DHRS12: variants seen among roughly 807,000 people sequenced by gnomAD.
DHRS12 encodes dehydrogenase/reductase 12.
In DHRS12, 29 loss-of-function variants were observed where a neutral mutation model predicts 32.1. The ratio of observed to expected loss-of-function variants is 0.90; its 90% CI spans 0.67 to 1.23. The LOEUF is 1.23. DHRS12 is among the 50% of genes most tolerant of loss of function. DHRS12 has a pLI of 0.00. For missense variants in DHRS12, 330 were observed against 337.2 expected (o/e 0.98, Z 0.17); for synonymous variants, 150 against 135.9 (o/e 1.10, Z -0.72).
the DHRS12 span, among the ~76,000 whole-genome samples, chr13:51,755,954 T>A: frequency 6.6e-6 from 1 of 152,066 alleles, no homozygotes; most frequent in East Asian, 1.9e-4. Context: ...TTCAATCAGG[T>A]TTCCTGCATG....
chr13:51,801,755 T>C (rs1283803967), intron 1 of DHRS12, among the ~76,000 whole-genome samples: 1 of 151,934 alleles, frequency 6.6e-6, no homozygotes, highest in Non-Finnish European at 1.5e-5. Context: ...ACTTCCCAAA[T>C]ACAATAGAGC....
rs1448937654 is a variant in DHRS12, at chr13:51,798,050, C to T, written c.126+1484G>A. The T allele has an allele frequency of 5.0e-6, 4 of 801,598 alleles. No homozygotes were observed. The African/African-American group carries it at 5.2e-5, about 10-fold the overall frequency. The allele number at this position is 801,598 out of a possible 1,614,324, so 49.7% of individuals were successfully genotyped here. ...GATGGGTGGTTCCCAGAGTTAAGAGCAGCAAGGGCGATGGTGAGGGAGGTG... is the reference window on the plus strand; with the variant it reads ...GATGGGTGGTTCCCAGAGTTAAGAGTAGCAAGGGCGATGGTGAGGGAGGTG... On this transcript the variant is annotated intron_variant, in intron 2 of 8. Transcript: ENST00000444610.
intron 7 of DHRS12, chr13:51,771,433 T>C: frequency 2.5e-6 from 4 of 1,614,192 alleles, no homozygotes; most frequent in Non-Finnish European, 3.4e-6. Flanking sequence ...TCCAAAAACC[T>C]GGGGAGTGGT....
chr13:51,786,398 C>T (rs1222871927), intron 4 of DHRS12, among the ~76,000 whole-genome samples: 7 of 152,200 alleles, frequency 4.6e-5, no homozygotes, highest in African/African-American at 1.7e-4. Flanking sequence ...GTCTTCACTC[C>T]TCATGGACTC....
At chr13:51,800,506 C>T (rs939302135) in intron 1 of DHRS12, among the ~76,000 whole-genome samples, 1 of 152,234 alleles carries the variant, frequency 6.6e-6, no homozygotes, top group Non-Finnish European at 1.5e-5. Flanking sequence ...CACGCACAGG[C>T]AGGCTGGGGT....
chr13:51,803,851 C>A, intron 1 of DHRS12: 1 of 403,486 alleles, frequency 2.5e-6, no homozygotes, highest in Non-Finnish European at 4.1e-6. Context: ...CGGTCGCGGG[C>A]ATTGAGCGGC....
intron 4 of DHRS12, among the ~76,000 whole-genome samples, chr13:51,777,870 T>C (rs780204388): frequency 1.3e-5 from 2 of 152,254 alleles, no homozygotes; most frequent in Non-Finnish European, 2.9e-5. Context: ...TGTATTTTTT[T>C]AAACAATGAA....
At chr13:51,777,214 C>G (rs1353499692) in intron 4 of DHRS12, 93 bp from the exon 5 acceptor site, 3 of 1,453,218 alleles carry the variant, frequency 2.1e-6, no homozygotes, top group Non-Finnish European at 2.9e-6. Flanking sequence ...CTGCCCGCAC[C>G]CGCCCCCCAC....
At chr13:51,773,862 C>T in intron 6 of DHRS12, 68 bp downstream of exon 6, 1 of 1,349,728 alleles carries the variant, frequency 7.4e-7, no homozygotes, top group Non-Finnish European at 1.1e-6. Context: ...CCAGAGTAAG[C>T]TTTCCTTGGA....
chr13:51,762,341 C>T, the DHRS12 span: 1 of 152,320 alleles, frequency 6.6e-6, no homozygotes, highest in African/African-American at 2.4e-5. Flanking sequence ...GCACGCCACT[C>T]TACCTTCTCC....
chr13:51,777,557 TTGAG>T (rs1261703266), intron 4 of DHRS12, among the ~76,000 whole-genome samples: 3 of 152,220 alleles, frequency 2.0e-5, no homozygotes, highest in Non-Finnish European at 4.4e-5. Context: ...CTGTTTGGAT[TTGAG>T]TATTTTTACA....
chr13:51,771,080 G>A, intron 7 of DHRS12: 1 of 1,449,548 alleles, frequency 6.9e-7, no homozygotes, highest in South Asian at 1.5e-5. Context: ...TAGCCTCTCT[G>A]GGCCTCAGTT....
chr13:51,776,964 C>T (rs1004532300), intron 5 of DHRS12, 96 bp downstream of exon 5: 8 of 1,397,200 alleles, frequency 5.7e-6, no homozygotes, highest in Non-Finnish European at 8.1e-6. Context: ...GACAGAATGG[C>T]CCCCTTAGGG....
At chr13:51,759,509 T>C in the DHRS12 span, among the ~76,000 whole-genome samples, 1 of 152,248 alleles carries the variant, frequency 6.6e-6, no homozygotes. Context: ...AGATTGAATC[T>C]GCCATGATTC....
intron 1 of DHRS12, among the ~76,000 whole-genome samples, chr13:51,802,778 C>A (rs1955819345): frequency 6.6e-6 from 1 of 152,216 alleles, no homozygotes; most frequent in Non-Finnish European, 1.5e-5. Context: ...GCAGGAAAAC[C>A]CATCTAACTT....
intron 1 of DHRS12, among the ~76,000 whole-genome samples, chr13:51,802,201 A>ACG (rs1566313680): frequency 6.9e-6 from 1 of 143,970 alleles, no homozygotes. Flanking sequence ...ACACACACAC[A>ACG]CACACACACA....
intron 4 of DHRS12, among the ~76,000 whole-genome samples, chr13:51,781,665 G>T (rs1954714996): frequency 6.6e-6 from 1 of 152,204 alleles, no homozygotes; most frequent in African/African-American, 2.4e-5. Flanking sequence ...AGGGCTGCAG[G>T]TATGGAGCAC....
chr13:51,777,078 T>C lies in DHRS12; in HGVS notation c.345A>G (p.Lys115=), dbSNP rs866752736. Residue 115 remains lysine (K), a synonymous_variant, in exon 5 of 9, where the codon AAA becomes AAG. Coordinates refer to ENST00000444610, the MANE Select transcript of DHRS12 (RefSeq NM_001377533.1). The part of the protein sequence containing the change: ...LTTGLIPVLE[K]EHDPRVITVS... ...AACTCACCACTCGGGGGTCGTGTTC[T>C]TTCTCCAGCACAGGGATCAGGCCGG... The C allele has an allele frequency of 1.2e-6, 2 of 1,614,138 alleles. No homozygotes were observed. The highest frequency in any genetic ancestry group is 1.6e-4 in the Middle Eastern group (1 of 6,062).
chr13:51,759,936 G>C, the DHRS12 span: 121 of 622,124 alleles, frequency 1.9e-4, no homozygotes, highest in African/African-American at 2.0e-3. Context: ...TGGCCAGTGA[G>C]CACTCGCAAG....
Sources: allele counts gnomAD v4.1 joint callset (sites outside exome capture counted in the v4.1 genomes callset), GRCh38; gene constraint gnomAD v4.1.1; transcripts MANE v1.5; gene names NCBI Gene and HGNC (gene_info 2026-07-23, HGNC 2026-07-21).